The following COL11A1 variants were observed in gnomAD, a reference collection of about 807,000 sequenced individuals.
COL11A1 encodes the protein collagen alpha-1(XI) chain.
A neutral mutation model predicts 265.2 loss-of-function variants in COL11A1; 74 were observed. The ratio of observed to expected loss-of-function variants is 0.28; its 90% CI spans 0.23 to 0.34. The LOEUF (loss-of-function observed/expected upper bound fraction) is 0.34, where lower values mean the gene tolerates loss of function less well. Ranked by LOEUF, COL11A1 falls within the 10% of genes least tolerant of loss-of-function variation. The pLI, the probability that COL11A1 is intolerant of heterozygous loss-of-function variation, is 1.00. For synonymous variants in COL11A1, 816 were observed against 727.6 expected (o/e 1.12, Z -1.96); for missense variants, 2,165 against 2,263.6 (o/e 0.96, Z 0.88).
intron 1 of COL11A1, among the ~76,000 whole-genome samples, chr1:103,093,726 C>T (rs1167185794): frequency 1.3e-5 from 2 of 152,100 alleles, no homozygotes; most frequent in African/African-American, 2.4e-5. Context: ...CAGTAATAAA[C>T]CGCCTTTTAA....
intron 46 of COL11A1, among the ~76,000 whole-genome samples, chr1:102,926,069 GA>G (rs1361544695): frequency 2.0e-5 from 3 of 151,814 alleles, no homozygotes; most frequent in Non-Finnish European, 4.4e-5. Context: ...TATCCCAATA[GA>G]AAAAAATTTA....
chr1:102,924,053 C>CAA (rs577410207), intron 46 of COL11A1, among the ~76,000 whole-genome samples: 6,889 of 106,660 alleles, frequency 0.065, 371 homozygotes, highest in African/African-American at 0.13. Flanking sequence ...ACTAAAAATA[C>CAA]AAAAAAAAAA....
At chr1:102,952,162 G>C (rs534703194) in intron 41 of COL11A1, among the ~76,000 whole-genome samples, 10 of 151,934 alleles carry the variant, frequency 6.6e-5, no homozygotes, top group Admixed American at 5.9e-4. Flanking sequence ...GCAGTGGTGC[G>C]ATCTTGGCTC....
intron 47 of COL11A1, among the ~76,000 whole-genome samples, 157 bp downstream of exon 47, chr1:102,923,179 C>T (rs1473821649): frequency 5.3e-5 from 8 of 152,160 alleles, no homozygotes; most frequent in Non-Finnish European, 1.0e-4. Context: ...AAATCAAAAT[C>T]CAGAGCTAAA....
intron 59 of COL11A1, among the ~76,000 whole-genome samples, chr1:102,889,190 A>G (rs1651410721): frequency 6.6e-6 from 1 of 152,152 alleles, no homozygotes; most frequent in South Asian, 2.1e-4. Context: ...CCCTCAGAAT[A>G]TGATTTACAG....
At chr1:102,970,311 T>C in intron 36 of COL11A1, 39 bp from the exon 37 acceptor site, 1 of 1,479,640 alleles carries the variant, frequency 6.8e-7, no homozygotes, top group Non-Finnish European at 9.4e-7. Context: ...GTCATAAATA[T>C]TTAATTATTT....
chr1:103,103,532 T>C (rs934192208), intron 1 of COL11A1, among the ~76,000 whole-genome samples: 2 of 151,958 alleles, frequency 1.3e-5, no homozygotes, highest in Admixed American at 6.6e-5. Context: ...AAATAGAGTA[T>C]TTAAAAAATT....
intron 65 of COL11A1, among the ~76,000 whole-genome samples, chr1:102,881,271 A>C (rs989093315): frequency 6.6e-6 from 1 of 152,076 alleles, no homozygotes; most frequent in African/African-American, 2.4e-5. Flanking sequence ...TTTGTGCCAG[A>C]ACAATCAGAA....
chr1:103,007,983 T>A (rs575541962), intron 15 of COL11A1, among the ~76,000 whole-genome samples: 5 of 152,088 alleles, frequency 3.3e-5, no homozygotes, highest in South Asian at 2.1e-4. Context: ...CAGTACAAAT[T>A]TTTTTTTAGT....
chr1:103,098,083 T>C lies in COL11A1; in HGVS notation c.106+9990A>G, dbSNP rs17127465. On this transcript the variant is annotated intron_variant, in intron 1 of 66. Transcript: ENST00000370096. Reference sequence around the variant, plus strand: ...AGCCAAGGCTGTTAAAAAAAAGATGTATTATAAAACTAAAATTATACTTCC... The same window carrying C: ...AGCCAAGGCTGTTAAAAAAAAGATGCATTATAAAACTAAAATTATACTTCC... Among the ~76,000 whole-genome samples the C allele has an allele frequency of 9.9e-3, 1,498 of 152,076 alleles. 27 individuals are homozygous for C. The highest frequency in any genetic ancestry group is 0.033 in the African/African-American group (1,389 of 41,518).
intron 46 of COL11A1, among the ~76,000 whole-genome samples, chr1:102,932,678 G>A (rs1244787187): frequency 3.9e-5 from 6 of 152,010 alleles, no homozygotes; most frequent in African/African-American, 7.2e-5. Context: ...ATAATATCCT[G>A]CAGAGTGTTT....
intron 41 of COL11A1, among the ~76,000 whole-genome samples, chr1:102,960,232 A>G (rs1464234508): frequency 6.6e-6 from 1 of 152,168 alleles, no homozygotes; most frequent in Non-Finnish European, 1.5e-5. Flanking sequence ...AGTAAGTATC[A>G]TGTGAATCAA....
At position 102,999,789 on chromosome 1, in the gene COL11A1, G is replaced by A. The variant is rs564073615; in HGVS notation, c.2143-1426C>T. Among the ~76,000 whole-genome samples the A allele has an allele frequency of 1.3e-3, 198 of 151,890 alleles. 1 individual carries two copies. The highest frequency in any genetic ancestry group is 0.01 in the Middle Eastern group (3 of 294). ...TTACTATTTACCAAATTTTCGAAGC[G>A]AAGGCTCTTGAGCCAGAATAAATAA... On this transcript the variant is annotated intron_variant, in intron 24 of 66. Coordinates refer to ENST00000370096, the MANE Select transcript of COL11A1 (RefSeq NM_001854.4).
chr1:102,883,055 G>C, intron 64 of COL11A1, 144 bp downstream of exon 64: 1 of 695,644 alleles, frequency 1.4e-6, no homozygotes, highest in Admixed American at 2.1e-5. Context: ...GCTTATTCAT[G>C]TTTATGCAAA....
chr1:103,084,839 G>A (rs1049686879), intron 1 of COL11A1, among the ~76,000 whole-genome samples: 1 of 152,124 alleles, frequency 6.6e-6, no homozygotes, highest in Admixed American at 6.5e-5. Flanking sequence ...TTGACCATAG[G>A]CTCACTGATA....
chr1:103,028,193 G>A (rs1043531914), intron 5 of COL11A1, among the ~76,000 whole-genome samples: 1 of 152,014 alleles, frequency 6.6e-6, no homozygotes, highest in African/African-American at 2.4e-5. Context: ...ACCATGCCCG[G>A]CTAATTTTTT....
At chr1:102,910,422 ACTTGCTG>A (rs1237273232) in intron 54 of COL11A1, among the ~76,000 whole-genome samples, 1 of 152,154 alleles carries the variant, frequency 6.6e-6, no homozygotes, top group Non-Finnish European at 1.5e-5. Context: ...ACTAGATAGC[ACTTGCTG>A]AGAGTTTGAC....
chr1:102,897,126 T>C (rs1252008792), intron 57 of COL11A1, among the ~76,000 whole-genome samples: 1 of 152,042 alleles, frequency 6.6e-6, no homozygotes, highest in African/African-American at 2.4e-5. Flanking sequence ...TTAAAACTTA[T>C]GAAATATTTG....
At chr1:103,098,563 T>C (rs142949975) in intron 1 of COL11A1, among the ~76,000 whole-genome samples, 52 of 152,000 alleles carry the variant, frequency 3.4e-4, no homozygotes, top group African/African-American at 1.3e-3. Context: ...ATCTTGCTTA[T>C]GAGTTCATTC....
Sources: allele counts gnomAD v4.1 joint callset (sites outside exome capture counted in the v4.1 genomes callset), GRCh38; gene constraint gnomAD v4.1.1; transcripts MANE v1.5; gene names NCBI Gene and HGNC (gene_info 2026-07-23, HGNC 2026-07-21).